PMM2: variants seen among roughly 807,000 people sequenced by gnomAD.
PMM2 encodes the protein phosphomannomutase 2.
A neutral mutation model predicts 33.2 loss-of-function variants in PMM2; 35 were observed. That is an observed-to-expected ratio of 1.06 (90% CI 0.81 to 1.40). The LOEUF is 1.40. PMM2 is among the 40% of genes most tolerant of loss of function. The pLI, the probability that PMM2 is intolerant of heterozygous loss-of-function variation, is 0.00. For synonymous variants in PMM2, 153 were observed against 114.7 expected, an observed-to-expected ratio of 1.33 and a Z score of -2.13; for missense variants, 386 against 306.0, an observed-to-expected ratio of 1.26 and a Z score of -1.95.
At chr16:8,836,031 T>C (rs1441230862) in intron 7 of PMM2, among the ~76,000 whole-genome samples, 1 of 149,770 alleles carries the variant, frequency 6.7e-6, no homozygotes, top group Non-Finnish European at 1.5e-5. Context: ...TGAAAAGGAG[T>C]GCTTAAAAGA....
At chr16:8,823,041 C>T (rs1243948470) in intron 7 of PMM2, among the ~76,000 whole-genome samples, 3 of 152,084 alleles carry the variant, frequency 2.0e-5, no homozygotes, top group Admixed American at 6.5e-5. Context: ...TTGGGGTAGA[C>T]AGGAAAGAGG....
chr16:8,804,824 G>A lies in PMM2; in HGVS notation c.236G>A (p.Gly79Glu). ...PENGLVAYKD[G>E]KLLCRQNIQS... ...AATGGCTTGGTAGCATACAAAGATG[G>A]GAAACTCTTGTGTAGACAGGTAGGT... The change falls in exon 3 of 8, where the codon GGG (glycine) becomes GAG (glutamate). Residue 79 changes from glycine to glutamate, a missense_variant. Coordinates refer to ENST00000268261, the MANE Select transcript of PMM2 (RefSeq NM_000303.3). 3 of 1,610,014 alleles carry A rather than the reference G, an allele frequency of 1.9e-6. No individual in the cohort carries two copies. Among genetic ancestry groups the A allele is most frequent in the Non-Finnish European group, 2.6e-6 (3 of 1,176,344 alleles).
chr16:8,800,608 C>T (rs937064037), intron 1 of PMM2, among the ~76,000 whole-genome samples: 9 of 150,930 alleles, frequency 6.0e-5, no homozygotes, highest in African/African-American at 2.2e-4. Flanking sequence ...TTATCTTACT[C>T]TTTTACATTT....
At chr16:8,822,721 G>C (rs8062135) in intron 7 of PMM2, among the ~76,000 whole-genome samples, 66,094 of 152,002 alleles carry the variant, frequency 0.43, 14,475 homozygotes, top group Non-Finnish European at 0.45. Context: ...GCTTCTTTCT[G>C]CTGACAGGGA....
chr16:8,818,044 T>C (rs1230022531), intron 7 of PMM2, among the ~76,000 whole-genome samples: 5 of 151,910 alleles, frequency 3.3e-5, no homozygotes, highest in African/African-American at 1.2e-4. Flanking sequence ...GCTTGGACTA[T>C]AGGTGCCCAC....
At chr16:8,810,654 A>G (rs2060672237) in intron 4 of PMM2, 4 of 288,312 alleles carry the variant, frequency 1.4e-5, no homozygotes, top group Non-Finnish European at 2.0e-5. Flanking sequence ...TCAGCTCACT[A>G]TAACCCCTAT....
intron 7 of PMM2, among the ~76,000 whole-genome samples, chr16:8,822,451 A>G (rs1292043630): frequency 6.6e-6 from 1 of 152,208 alleles, no homozygotes; most frequent in Non-Finnish European, 1.5e-5. Context: ...TTTCAGGGAA[A>G]GGGCTGTTAC....
chr16:8,813,344 G>A (rs1318704430), intron 7 of PMM2, among the ~76,000 whole-genome samples: 1 of 152,162 alleles, frequency 6.6e-6, no homozygotes, highest in Non-Finnish European at 1.5e-5. Context: ...TTTCACCTTG[G>A]CTTTGGAATT....
chr16:8,819,819 C>T (rs2060727881), intron 7 of PMM2, among the ~76,000 whole-genome samples: 1 of 152,118 alleles, frequency 6.6e-6, no homozygotes, highest in Non-Finnish European at 1.5e-5. Flanking sequence ...GTACATGCTC[C>T]CAGGGGAGAC....
At chr16:8,842,100 G>C (rs989736285) in intron 7 of PMM2, 47 of 150,594 alleles carry the variant, frequency 3.1e-4, no homozygotes, top group Middle Eastern at 3.4e-3. Flanking sequence ...TGTTGTGTAA[G>C]AATTCTGACC....
intron 7 of PMM2, among the ~76,000 whole-genome samples, chr16:8,834,693 C>T (rs28849155): frequency 1.5e-5 from 2 of 134,736 alleles, no homozygotes. Flanking sequence ...GGAAATGAGA[C>T]GTTCTAAGAG....
intron 7 of PMM2, among the ~76,000 whole-genome samples, chr16:8,826,798 T>G (rs934547174): frequency 2.0e-5 from 3 of 151,492 alleles, no homozygotes; most frequent in African/African-American, 7.3e-5. Flanking sequence ...TTTTTAGGGG[T>G]TTTTTTTCCC....
chr16:8,798,289 C>T (rs963833311), intron 1 of PMM2, among the ~76,000 whole-genome samples: 6 of 152,126 alleles, frequency 3.9e-5, no homozygotes, highest in African/African-American at 1.4e-4. Context: ...AGCTATGTGT[C>T]GGCCCCAATC....
Position 8,832,946 on chromosome 16 carries a change from G to A in PMM2, c.640-14778G>A, listed in dbSNP as rs2060819751. 7 of 718,054 alleles carry A rather than the reference G, an allele frequency of 9.7e-6. No individual in the cohort carries two copies. In the South Asian group the frequency reaches 4.2e-4, roughly 43 times the overall value. 44.5% of individuals were successfully genotyped at this position (718,054 alleles called of 1,614,324 possible). On this transcript the variant is annotated intron_variant, in intron 7 of 7. Coordinates refer to ENST00000268261, the MANE Select transcript of PMM2 (RefSeq NM_000303.3). ...TTGCTCAACAAGGCGCCCAAGAGCT[G>A]TCTGTTGATGACTGGTCTCCCCAGG...
chr16:8,812,247 G>A (rs1349263878), intron 6 of PMM2, among the ~76,000 whole-genome samples: 2 of 152,226 alleles, frequency 1.3e-5, no homozygotes, highest in Admixed American at 6.5e-5. Context: ...CACAGCCAGT[G>A]TGTGAACGTT....
At chr16:8,821,948 T>TA (rs1254413960) in intron 7 of PMM2, among the ~76,000 whole-genome samples, 1 of 152,230 alleles carries the variant, frequency 6.6e-6, no homozygotes, top group Non-Finnish European at 1.5e-5. Context: ...ATTGGCCCTG[T>TA]AACTGCCCAA....
Position 8,801,826 on chromosome 16 carries a change from C to G in PMM2, c.94C>G (p.Leu32Val), listed in dbSNP as rs1234062900. The part of the protein sequence containing the change: ...QKITKEMDDF[L>V]QKLRQKIKIG... ...AATTACCAAAGAAATGGATGACTTC[C>G]TACAAAAATTGAGGCAGAAGATCAA... The change falls in exon 2 of 8, where the codon CTA becomes GTA. Residue 32 changes from leucine to valine, a missense_variant. Coordinates refer to ENST00000268261, the MANE Select transcript of PMM2 (RefSeq NM_000303.3). 1.9e-6 allele frequency: 3 copies of G among 1,610,720 alleles called. No individual in the cohort carries two copies. In the Admixed American group the frequency reaches 5.0e-5, roughly 27 times the overall value.
rs1262089925 is a variant in PMM2, at chr16:8,848,079, T to G, written c.*254T>G. 1.6e-5 allele frequency: 7 copies of G among 431,458 alleles called. No homozygotes were observed. The highest frequency in any genetic ancestry group is 2.4e-5 in the Non-Finnish European group (6 of 247,392). 26.7% of individuals were successfully genotyped at this position (431,458 alleles called of 1,614,324 possible). On this transcript the variant is annotated 3_prime_UTR_variant, in exon 8 of 8. Transcript: ENST00000268261. ...TCTTCCCCACCCACCCCCAGCCCCCTAGTCTAATACCCACCCTGATACGTG... is the reference window on the plus strand; with the variant it reads ...TCTTCCCCACCCACCCCCAGCCCCCGAGTCTAATACCCACCCTGATACGTG...
At chr16:8,833,332 G>A (rs567482208) in intron 7 of PMM2, among the ~76,000 whole-genome samples, 20 of 152,302 alleles carry the variant, frequency 1.3e-4, no homozygotes, top group Middle Eastern at 3.4e-3. Flanking sequence ...TGGGGCAGAA[G>A]CAAATCACAA....
Sources: gnomAD v4.1 joint callset for allele counts (sites outside exome capture counted in the v4.1 genomes callset) on GRCh38, gnomAD v4.1.1 for gene constraint, MANE v1.5 for transcripts, NCBI Gene and HGNC (gene_info 2026-07-23, HGNC 2026-07-21) for gene names.